PTPRD: variants seen among roughly 807,000 people sequenced by gnomAD.
PTPRD encodes the protein protein tyrosine phosphatase receptor type D.
Under a neutral mutation model 214.5 loss-of-function variants are expected in PTPRD, and 34 were observed. The ratio of observed to expected loss-of-function variants is 0.16; its 90% CI spans 0.12 to 0.21. The LOEUF (loss-of-function observed/expected upper bound fraction) is 0.21, where lower values mean the gene tolerates loss of function less well. Ranked by LOEUF, PTPRD falls within the 10% of genes least tolerant of loss-of-function variation. The pLI, the probability that PTPRD is intolerant of heterozygous loss-of-function variation, is 1.00. For synonymous variants in PTPRD, 1,128 were observed against 845.7 expected, an observed-to-expected ratio of 1.33 and a Z score of -5.79; for missense variants, 2,545 against 2,398.7, an observed-to-expected ratio of 1.06 and a Z score of -1.27.
intron 2 of PTPRD, among the ~76,000 whole-genome samples, chr9:10,497,726 T>C (rs2042494045): frequency 6.6e-6 from 1 of 152,050 alleles, no homozygotes; most frequent in South Asian, 2.1e-4. Context: ...AGAATATGAA[T>C]AATGTGTGTA....
chr9:9,432,047 TATAATAATAATAATA>T (rs373767588), intron 8 of PTPRD, among the ~76,000 whole-genome samples: 106 of 138,418 alleles, frequency 7.7e-4, no homozygotes, highest in African/African-American at 1.1e-3. Context: ...GAACTTAAAG[TATAATAATAATAATA>T]ATAATAATAA....
At chr9:9,864,685 A>AT (rs1339786711) in intron 5 of PTPRD, among the ~76,000 whole-genome samples, 9 of 151,984 alleles carry the variant, frequency 5.9e-5, no homozygotes, top group African/African-American at 2.2e-4. Context: ...AGCCCAGCTA[A>AT]TTTTTTAATT....
chr9:8,604,066 G>T (rs910101809), intron 14 of PTPRD, among the ~76,000 whole-genome samples: 1 of 152,116 alleles, frequency 6.6e-6, no homozygotes, highest in Non-Finnish European at 1.5e-5. Context: ...TCAGCTTCCA[G>T]CATATCATAC....
intron 11 of PTPRD, among the ~76,000 whole-genome samples, chr9:8,865,872 G>C (rs893767016): frequency 6.6e-6 from 1 of 152,116 alleles, no homozygotes; most frequent in Non-Finnish European, 1.5e-5. Flanking sequence ...AATAATAATA[G>C]AGTCTAACGG....
chr9:10,078,535 A>AAAAG, intron 3 of PTPRD, among the ~76,000 whole-genome samples: 1 of 150,372 alleles, frequency 6.7e-6, no homozygotes, highest in Non-Finnish European at 1.5e-5. Flanking sequence ...AAAAAAAAAA[A>AAAAG]AAAGAAAGAA....
At chr9:10,275,654 T>C (rs1279797506) in intron 3 of PTPRD, among the ~76,000 whole-genome samples, 1 of 152,090 alleles carries the variant, frequency 6.6e-6, no homozygotes, top group Non-Finnish European at 1.5e-5. Flanking sequence ...TCTTTCAAGG[T>C]CAAATAGAGG....
At chr9:8,466,968 T>C (rs995663243) in intron 31 of PTPRD, among the ~76,000 whole-genome samples, 1 of 151,842 alleles carries the variant, frequency 6.6e-6, no homozygotes, top group African/African-American at 2.4e-5. Flanking sequence ...ACTGAATTCT[T>C]CCATTAGGAA....
At chr9:9,728,065 T>C (rs2098124048) in intron 7 of PTPRD, among the ~76,000 whole-genome samples, 1 of 152,142 alleles carries the variant, frequency 6.6e-6, no homozygotes, top group South Asian at 2.1e-4. Context: ...TCTCATGCGA[T>C]CTGACGGCTT....
At chr9:9,373,616 C>A (rs1404963524) in intron 9 of PTPRD, among the ~76,000 whole-genome samples, 1 of 152,106 alleles carries the variant, frequency 6.6e-6, no homozygotes, top group Non-Finnish European at 1.5e-5. Context: ...TCACTCCAAT[C>A]TCTGATTCTG....
chr9:9,282,239 T>A (rs1947972320), intron 9 of PTPRD, among the ~76,000 whole-genome samples: 1 of 151,282 alleles, frequency 6.6e-6, no homozygotes, highest in African/African-American at 2.4e-5. Context: ...TGGGTAATAA[T>A]GTTTCAATGT....
chr9:10,584,097 C>G (rs1308074005), intron 2 of PTPRD, among the ~76,000 whole-genome samples: 1 of 151,464 alleles, frequency 6.6e-6, no homozygotes, highest in East Asian at 2.0e-4. Context: ...GAGATGAATG[C>G]TTGTGTGTTG....
intron 9 of PTPRD, among the ~76,000 whole-genome samples, chr9:9,229,505 T>C (rs1177080177): frequency 6.6e-6 from 1 of 152,064 alleles, no homozygotes; most frequent in Non-Finnish European, 1.5e-5. Flanking sequence ...AAGCATCCAA[T>C]TGGCCAAGCT....
At chr9:9,301,190 C>A (rs985884440) in intron 9 of PTPRD, among the ~76,000 whole-genome samples, 5 of 151,752 alleles carry the variant, frequency 3.3e-5, no homozygotes, top group African/African-American at 1.2e-4. Flanking sequence ...ATGATTAGAA[C>A]TATGTTAAAG....
chr9:10,190,271 C>G (rs1204596248), intron 3 of PTPRD, among the ~76,000 whole-genome samples: 1 of 151,060 alleles, frequency 6.6e-6, no homozygotes. Flanking sequence ...GTGGCTGAGA[C>G]AGGACAATTG....
chr9:10,244,777 G>A (rs1285004104), intron 3 of PTPRD, among the ~76,000 whole-genome samples: 1 of 152,062 alleles, frequency 6.6e-6, no homozygotes, highest in Non-Finnish European at 1.5e-5. Context: ...TTCTTTAATG[G>A]AACAGTGATT....
intron 3 of PTPRD, among the ~76,000 whole-genome samples, chr9:10,313,173 G>C (rs1003551850): frequency 1.3e-5 from 2 of 151,846 alleles, no homozygotes; most frequent in African/African-American, 4.8e-5. Flanking sequence ...CTACATAAGA[G>C]CATAACTTCC....
intron 14 of PTPRD, among the ~76,000 whole-genome samples, chr9:8,556,705 C>T (rs980317284): frequency 3.9e-5 from 6 of 152,026 alleles, no homozygotes; most frequent in African/African-American, 1.4e-4. Flanking sequence ...GTTACATATG[C>T]TTATTCTGTC....
chr9:10,445,925 T>C lies in PTPRD; in HGVS notation c.-599-104908A>G, dbSNP rs184520110. On this transcript the variant is annotated intron_variant, in intron 2 of 45. Coordinates refer to ENST00000381196, the MANE Select transcript of PTPRD (RefSeq NM_002839.4). The stretch of plus-strand genomic sequence containing the variant: ...AATAAGTGGTAGGAGTTTGGTTTGC[T>C]TGTTGGTTTCTTATATTAACCTAGG... Among the ~76,000 whole-genome samples, 19 of 152,238 alleles carry C rather than the reference T, an allele frequency of 1.2e-4. No individual in the cohort carries two copies. In the East Asian group the frequency reaches 3.3e-3, roughly 26 times the overall value.
intron 9 of PTPRD, among the ~76,000 whole-genome samples, chr9:9,290,736 A>C (rs1229039645): frequency 6.6e-6 from 1 of 151,604 alleles, no homozygotes; most frequent in Non-Finnish European, 1.5e-5. Flanking sequence ...GAACAATGAA[A>C]GTTAACATGT....
Sources: allele counts gnomAD v4.1 joint callset (sites outside exome capture counted in the v4.1 genomes callset), GRCh38; gene constraint gnomAD v4.1.1; transcripts MANE v1.5; gene names NCBI Gene and HGNC (gene_info 2026-07-23, HGNC 2026-07-21).